PCDHGA8: variants seen among roughly 807,000 people sequenced by gnomAD.
The protein encoded by PCDHGA8 is protocadherin gamma subfamily A, 8.
In PCDHGA8, 45 loss-of-function variants were observed where a neutral mutation model predicts 59.2. That is an observed-to-expected ratio of 0.76 (90% CI 0.60 to 0.98). The LOEUF (loss-of-function observed/expected upper bound fraction) is 0.98, where lower values mean the gene tolerates loss of function less well. PCDHGA8 is among the 50% of genes least tolerant of loss of function. The probability of loss-of-function intolerance (pLI) is 0.00; values close to 1 mark genes in which losing one functional copy is unlikely to be tolerated. For synonymous variants in PCDHGA8, 531 were observed against 519.0 expected (o/e 1.02, Z -0.32); for missense variants, 1,257 against 1,196.2 (o/e 1.05, Z -0.75).
At position 141,489,369 on chromosome 5, in the gene PCDHGA8, G is replaced by A. The variant is rs371328808; in HGVS notation, c.2425-5438G>A. The A allele has an allele frequency of 4.5e-5, 73 of 1,613,474 alleles. No individual in the cohort carries two copies. Among genetic ancestry groups the A allele is most frequent in the African/African-American group, 4.1e-4 (31 of 74,894 alleles). ...TGGTGGAGGAGTCTGAGCCGGGGACGCTGGTGGGGAATGTTGCTCAGGATC... is the reference window on the plus strand; with the variant it reads ...TGGTGGAGGAGTCTGAGCCGGGGACACTGGTGGGGAATGTTGCTCAGGATC... On this transcript the variant is annotated intron_variant, in intron 1 of 3. Transcript: ENST00000398604. This position sits in a 1 kb window ranked among gnomAD's most constrained non-coding sequence, Gnocchi z 4.5.
chr5:141,409,669 C>T, intron 1 of PCDHGA8: 1 of 1,613,528 alleles, frequency 6.2e-7, no homozygotes, highest in Non-Finnish European at 8.5e-7. Context: ...ACATCTCCTA[C>T]TCTATAGTGG....
chr5:141,450,977 A>G (rs2098702822), intron 1 of PCDHGA8, among the ~76,000 whole-genome samples: 1 of 151,760 alleles, frequency 6.6e-6, no homozygotes, highest in African/African-American at 2.4e-5. Context: ...GGCATGTGCC[A>G]CCACACCCGG....
At chr5:141,399,684 G>T in intron 1 of PCDHGA8, 1 of 1,613,538 alleles carries the variant, frequency 6.2e-7, no homozygotes, top group Non-Finnish European at 8.5e-7. Context: ...TTGACTACGA[G>T]CAGCTGCGCA....
chr5:141,476,023 G>T lies in PCDHGA8; in HGVS notation c.2425-18784G>T. On this transcript the variant is annotated intron_variant, in intron 1 of 3. Coordinates refer to ENST00000398604, the MANE Select transcript of PCDHGA8 (RefSeq NM_032088.2). The surrounding 1 kb of genome is among the most constrained non-coding windows in gnomAD (Gnocchi z 7.6). Reference sequence around the variant, plus strand: ...CATCCAGAAAGCCATGTCGGACTCGGCGCCCAGCGCCCAAGCGCTAACCCG... The same window carrying T: ...CATCCAGAAAGCCATGTCGGACTCGTCGCCCAGCGCCCAAGCGCTAACCCG... The T allele has an allele frequency of 7.1e-7, 1 of 1,415,690 alleles. No individual in the cohort carries two copies. Among genetic ancestry groups the T allele is most frequent in the Non-Finnish European group, 9.5e-7 (1 of 1,057,324 alleles). 87.7% of individuals were successfully genotyped at this position (1,415,690 alleles called of 1,614,324 possible).
At chr5:141,444,531 CTG>C (rs2098439915) in intron 1 of PCDHGA8, among the ~76,000 whole-genome samples, 1 of 152,100 alleles carries the variant, frequency 6.6e-6, no homozygotes, top group Non-Finnish European at 1.5e-5. Context: ...GAGACAGTGA[CTG>C]TGTCTAGTGA....
intron 1 of PCDHGA8, among the ~76,000 whole-genome samples, chr5:141,466,035 C>T (rs10054619): frequency 0.28 from 42,092 of 151,762 alleles, 6,545 homozygotes; most frequent in African/African-American, 0.42. Flanking sequence ...GGCAGGAGAA[C>T]GGCATGAACC....
At chr5:141,469,372 C>G (rs780872014) in intron 1 of PCDHGA8, among the ~76,000 whole-genome samples, 5 of 151,990 alleles carry the variant, frequency 3.3e-5, no homozygotes, top group Non-Finnish European at 5.9e-5. Flanking sequence ...GTAAAGAGAT[C>G]GAGACCATCC....
chr5:141,428,124 C>T, intron 1 of PCDHGA8: 1 of 1,605,400 alleles, frequency 6.2e-7, no homozygotes, highest in South Asian at 1.1e-5. Context: ...CGAGCCCGGG[C>T]TTTTCAGCCT....
chr5:141,408,079 A>C (rs1176059527), intron 1 of PCDHGA8: 13 of 1,407,872 alleles, frequency 9.2e-6, no homozygotes, highest in Non-Finnish European at 1.1e-5. Context: ...CTTTCCCAGC[A>C]CAGCGGATTG....
Position 141,393,499 on chromosome 5 carries a change from A to T in PCDHGA8, c.686A>T (p.His229Leu). 1 of 1,614,008 alleles carries T rather than the reference A, an allele frequency of 6.2e-7. No individual in the cohort carries two copies. The highest frequency in any genetic ancestry group is 1.1e-5 in the South Asian group (1 of 91,088). Residue 229 changes from histidine (H) to leucine (L), a missense_variant, in exon 1 of 4, where the codon CAC becomes CTC. Transcript: ENST00000398604. ...CCTCGCTCTAGCACAGTGCGCATCC[A>T]CGTGACAGTGTTGGATACAAATGAC... ...KPPRSSTVRI[H>L]VTVLDTNDNA...
intron 1 of PCDHGA8, among the ~76,000 whole-genome samples, chr5:141,494,328 G>T (rs1595238527): frequency 6.6e-6 from 1 of 152,200 alleles, no homozygotes; most frequent in Non-Finnish European, 1.5e-5. Flanking sequence ...CACCAAAAGG[G>T]TTACCAAGAA....
chr5:141,414,434 C>A (rs774467993), intron 1 of PCDHGA8: 2 of 1,613,822 alleles, frequency 1.2e-6, no homozygotes, highest in Non-Finnish European at 8.5e-7. Flanking sequence ...GAACAGGTAT[C>A]CTCTTACAAT....
chr5:141,417,525 C>G (rs1435259680), intron 1 of PCDHGA8: 1 of 272,692 alleles, frequency 3.7e-6, no homozygotes, highest in African/African-American at 2.2e-5. Flanking sequence ...GCTGTCAACT[C>G]GTAGTTTAAA....
chr5:141,422,973 T>G (rs1157516415), intron 1 of PCDHGA8: 1 of 1,614,102 alleles, frequency 6.2e-7, no homozygotes, highest in Non-Finnish European at 8.5e-7. Flanking sequence ...CGCCCCGCTC[T>G]GCGGAACCTG....
Position 141,394,661 on chromosome 5 carries a change from C to T in PCDHGA8, c.1848C>T (p.Leu616=), listed in dbSNP as rs1471316947. Residue 616 remains leucine (L), a synonymous_variant, in exon 1 of 4, where the codon CTC becomes CTT. Transcript: ENST00000398604. The part of the protein sequence containing the change: ...YRLLKASEPG[L]FSVGLHTGEV... ...TGCTCAAGGCCAGCGAGCCGGGACTCTTCTCGGTGGGTCTGCACACGGGCG... is the reference window on the plus strand; with the variant it reads ...TGCTCAAGGCCAGCGAGCCGGGACTTTTCTCGGTGGGTCTGCACACGGGCG... 6.2e-7 allele frequency: 1 copy of T among 1,613,378 alleles called. No individual in the cohort carries two copies. Among genetic ancestry groups the T allele is most frequent in the Non-Finnish European group, 8.5e-7 (1 of 1,179,938 alleles).
At chr5:141,446,860 G>A (rs969206755) in intron 1 of PCDHGA8, among the ~76,000 whole-genome samples, 17 of 152,162 alleles carry the variant, frequency 1.1e-4, no homozygotes, top group African/African-American at 3.9e-4. Flanking sequence ...CTTCCTGATA[G>A]CTCTACACTG....
chr5:141,489,225 A>G lies in PCDHGA8; in HGVS notation c.2425-5582A>G. 3 of 1,518,230 alleles carry G rather than the reference A, an allele frequency of 2.0e-6. No individual in the cohort carries two copies. Among genetic ancestry groups the G allele is most frequent in the East Asian group, 2.3e-5 (1 of 44,234 alleles). 94.0% of individuals were successfully genotyped at this position (1,518,230 alleles called of 1,614,324 possible). On this transcript the variant is annotated intron_variant, in intron 1 of 3. Coordinates refer to ENST00000398604, the MANE Select transcript of PCDHGA8 (RefSeq NM_032088.2). The surrounding 1 kb of genome is among the most constrained non-coding windows in gnomAD (Gnocchi z 4.5). ...GGACAGCACAGACTTACTCTCCACA[A>G]AGGGACTTCTGGGTCATGGGGCCCA...
At chr5:141,495,779 C>A (rs529564820) in intron 2 of PCDHGA8, among the ~76,000 whole-genome samples, 53 of 152,094 alleles carry the variant, frequency 3.5e-4, no homozygotes, top group Non-Finnish European at 4.6e-4. Flanking sequence ...TCCTGGACCT[C>A]TTTTCTGTTT....
At position 141,393,608 on chromosome 5, in the gene PCDHGA8, A is replaced by G; in HGVS notation, c.795A>G (p.Thr265=). 6.2e-7 allele frequency: 1 copy of G among 1,613,986 alleles called. No individual in the cohort carries two copies. The highest frequency in any genetic ancestry group is 8.5e-7 in the Non-Finnish European group (1 of 1,179,908). The stretch of plus-strand genomic sequence containing the variant: ...CAGGCACGCGGCTGCTTACTGTAAC[A>G]GCCAGCGACCCGGATGAGGGAATCA... ...MPPGTRLLTV[T]ASDPDEGING... The change falls in exon 1 of 4, where the codon ACA becomes ACG. Residue 265 remains threonine (T), a synonymous_variant. Transcript: ENST00000398604.
Sources: allele counts gnomAD v4.1 joint callset (sites outside exome capture counted in the v4.1 genomes callset), GRCh38; gene constraint gnomAD v4.1.1; non-coding constraint Gnocchi (gnomAD v3.1); transcripts MANE v1.5; gene names NCBI Gene and HGNC (gene_info 2026-07-23, HGNC 2026-07-21).